TIMM9: variants seen among roughly 807,000 people sequenced by gnomAD.
TIMM9 encodes the protein translocase of inner mitochondrial membrane 9.
In TIMM9, 10 loss-of-function variants were observed where a neutral mutation model predicts 13.4. The observed-to-expected ratio is 0.75, with a 90% CI of 0.46 to 1.26. The LOEUF is 1.26. Ranked by LOEUF, TIMM9 falls within the 50% of genes most tolerant of loss-of-function variation. The probability of loss-of-function intolerance (pLI) is 0.00; values close to 1 mark genes in which losing one functional copy is unlikely to be tolerated. For synonymous variants in TIMM9, 32 were observed against 32.1 expected (o/e 1.00, Z 0.01); for missense variants, 87 against 100.8 (o/e 0.86, Z 0.58).
intron 3 of TIMM9, chr14:58,412,196 G>T: frequency 2.6e-6 from 1 of 388,492 alleles, no homozygotes; most frequent in East Asian, 5.0e-5. Context: ...AGGCTGGAGC[G>T]CAGTGGCGCC....
intron 3 of TIMM9, among the ~76,000 whole-genome samples, chr14:58,422,895 C>T (rs948769765): frequency 2.0e-5 from 3 of 151,800 alleles, no homozygotes; most frequent in African/African-American, 4.8e-5. Context: ...CTACATCTTC[C>T]GCCTCCTGGG....
At chr14:58,421,215 A>G (rs2140338874) in intron 3 of TIMM9, among the ~76,000 whole-genome samples, 1 of 152,350 alleles carries the variant, frequency 6.6e-6, no homozygotes, top group Non-Finnish European at 1.5e-5. Context: ...AAAAGCCTGG[A>G]AAATTCTGCT....
At chr14:58,423,428 C>T (rs1335289949) in intron 3 of TIMM9, among the ~76,000 whole-genome samples, 15 of 144,030 alleles carry the variant, frequency 1.0e-4, no homozygotes, top group Non-Finnish European at 1.9e-4. Context: ...TGAGGCAGAA[C>T]TGCTTGAACC....
chr14:58,414,329 A>G (rs1049334926), intron 3 of TIMM9, among the ~76,000 whole-genome samples: 1 of 152,154 alleles, frequency 6.6e-6, no homozygotes, highest in African/African-American at 2.4e-5. Flanking sequence ...GTATGCCACC[A>G]TCACAAAAAA....
intron 4 of TIMM9, 75 bp from the exon 5 acceptor site, chr14:58,411,013 T>G (rs2036198167): frequency 9.8e-7 from 1 of 1,025,112 alleles, no homozygotes; most frequent in Admixed American, 2.1e-5. Context: ...ATTACTGGTA[T>G]TTTATATTTA....
At chr14:58,425,889 C>T (rs1028113787) in intron 2 of TIMM9, among the ~76,000 whole-genome samples, 1 of 151,956 alleles carries the variant, frequency 6.6e-6, no homozygotes, top group Non-Finnish European at 1.5e-5. Flanking sequence ...TAGGCCGAGG[C>T]GGGTGAATCA....
intron 3 of TIMM9, chr14:58,412,175 A>C (rs2036242074): frequency 2.3e-6 from 1 of 427,238 alleles, no homozygotes; most frequent in East Asian, 4.3e-5. Flanking sequence ...ACGGAGTCTC[A>C]CTCTGTCACC....
At position 58,408,759 on chromosome 14, in the gene TIMM9, GT is replaced by G; in HGVS notation, c.*274del. On this transcript the variant is annotated 3_prime_UTR_variant, in exon 6 of 6. Coordinates refer to ENST00000395159, the MANE Select transcript of TIMM9 (RefSeq NM_012460.4). ...AACAGTCACAATTGAAGAAACAATG[GT>G]TTATTTTTCTAATCAAGTGACCAAG... 2.8e-6 allele frequency: 2 copies of G among 724,626 alleles called. No homozygotes were observed. The highest frequency in any genetic ancestry group is 4.3e-6 in the Non-Finnish European group (2 of 460,330). 44.9% of individuals were successfully genotyped at this position (724,626 alleles called of 1,614,324 possible). A position where few individuals can be genotyped will look rare whatever the true frequency, so the allele number is the denominator to read the frequency against.
chr14:58,420,535 G>A (rs887620371), intron 3 of TIMM9, among the ~76,000 whole-genome samples: 3 of 152,210 alleles, frequency 2.0e-5, no homozygotes, highest in Non-Finnish European at 2.9e-5. Flanking sequence ...GCTCACGCCT[G>A]TAATCCCAGC....
chr14:58,425,916 C>T (rs945394851), intron 2 of TIMM9, among the ~76,000 whole-genome samples: 3 of 151,886 alleles, frequency 2.0e-5, no homozygotes, highest in Non-Finnish European at 4.4e-5. Flanking sequence ...GAGTTCGAGA[C>T]CAACCTGGCC....
intron 4 of TIMM9, 36 bp downstream of exon 4, chr14:58,411,871 T>A (rs1287304294): frequency 1.2e-6 from 2 of 1,606,836 alleles, no homozygotes; most frequent in African/African-American, 2.7e-5. Context: ...TTACATTTTT[T>A]TGCAAAATCT....
At chr14:58,409,537 A>G (rs1267905040) in intron 5 of TIMM9, among the ~76,000 whole-genome samples, 1 of 152,128 alleles carries the variant, frequency 6.6e-6, no homozygotes, top group Admixed American at 6.6e-5. Flanking sequence ...TGAGAAAACA[A>G]CATTCTTAAT....
intron 5 of TIMM9, among the ~76,000 whole-genome samples, chr14:58,410,111 G>A (rs968088782): frequency 4.0e-5 from 6 of 151,458 alleles, no homozygotes; most frequent in Non-Finnish European, 7.4e-5. Flanking sequence ...TTGCTCTGTC[G>A]CCCAGGCTAG....
At chr14:58,426,008 C>G (rs866061100) in intron 2 of TIMM9, among the ~76,000 whole-genome samples, 76 of 151,020 alleles carry the variant, frequency 5.0e-4, no homozygotes, top group African/African-American at 1.8e-3. Flanking sequence ...TCCAGCTACT[C>G]AGGAGGCCTG....
At chr14:58,419,147 C>T (rs2036506954) in intron 3 of TIMM9, among the ~76,000 whole-genome samples, 1 of 152,018 alleles carries the variant, frequency 6.6e-6, no homozygotes, top group Non-Finnish European at 1.5e-5. Flanking sequence ...AATCTAATAA[C>T]AGATTAACAC....
Position 58,409,176 on chromosome 14 carries a change from T to C in TIMM9, c.136-8A>G. ...ATGTTCTGAACAGGTGGTCTAGGAA[T>C]GAAAAGGGAAGATCCAAGAGGCAAC... On this transcript the variant is annotated splice_region_variant and splice_polypyrimidine_tract_variant and intron_variant, in intron 5 of 5. Coordinates refer to ENST00000395159, the MANE Select transcript of TIMM9 (RefSeq NM_012460.4). The C allele has an allele frequency of 6.2e-7, 1 of 1,610,004 alleles. No homozygotes were observed. The highest frequency in any genetic ancestry group is 8.5e-7 in the Non-Finnish European group (1 of 1,179,026).
chr14:58,408,905 C>T lies in TIMM9; in HGVS notation c.*129G>A, dbSNP rs2036117288. ...TTGTTTCTCCAGCGGTTTCCATTTGCCAAACAGTCATGACAGATGGTTGAA... is the reference window on the plus strand; with the variant it reads ...TTGTTTCTCCAGCGGTTTCCATTTGTCAAACAGTCATGACAGATGGTTGAA... On this transcript the variant is annotated 3_prime_UTR_variant, in exon 6 of 6. Transcript: ENST00000395159. The T allele has an allele frequency of 1.5e-6, 2 of 1,377,134 alleles. No homozygotes were observed. The highest frequency in any genetic ancestry group is 2.4e-5 in the East Asian group (1 of 41,630). 85.3% of individuals were successfully genotyped at this position (1,377,134 alleles called of 1,614,324 possible).
At chr14:58,410,074 TTTG>T (rs766707637) in intron 5 of TIMM9, among the ~76,000 whole-genome samples, 4 of 151,636 alleles carry the variant, frequency 2.6e-5, no homozygotes, top group South Asian at 2.1e-4. Flanking sequence ...GCTGGTGCTT[TTTG>T]TTGTTGTTGT....
At chr14:58,416,528 A>G (rs772998387) in intron 3 of TIMM9, among the ~76,000 whole-genome samples, 8 of 152,226 alleles carry the variant, frequency 5.3e-5, no homozygotes, top group Non-Finnish European at 8.8e-5. Context: ...ATAGCTACCT[A>G]AAATAATCGC....
Sources: allele counts gnomAD v4.1 joint callset (sites outside exome capture counted in the v4.1 genomes callset), GRCh38; gene constraint gnomAD v4.1.1; transcripts MANE v1.5; gene names NCBI Gene and HGNC (gene_info 2026-07-23, HGNC 2026-07-21).